Variants in ZNF124 observed in about 807,000 individuals in gnomAD.
ZNF124 encodes the protein zinc finger protein HZF-16.
Under a neutral mutation model 26.6 loss-of-function variants are expected in ZNF124, and 25 were observed. That is an observed-to-expected ratio of 0.94 (90% CI 0.68 to 1.31). ZNF124 has a LOEUF of 1.31. Among genes scored for constraint, ZNF124 ranks in the 40% most tolerant of loss-of-function variants. The pLI is 0.00. For missense variants in ZNF124, 444 were observed against 422.2 expected (o/e 1.05, Z -0.45); for synonymous variants, 129 against 133.3 (o/e 0.97, Z 0.22).
chr1:247,171,075 G>C (rs1373409502), intron 1 of ZNF124, among the ~76,000 whole-genome samples: 4 of 20,474 alleles, frequency 2.0e-4, no homozygotes, highest in Admixed American at 4.2e-4. Flanking sequence ...TGAAGGGAAA[G>C]AAAACTTAAC....
intron 3 of ZNF124, among the ~76,000 whole-genome samples, chr1:247,157,682 T>C (rs1673230354): frequency 6.6e-6 from 1 of 152,224 alleles, no homozygotes; most frequent in Admixed American, 6.5e-5. Flanking sequence ...CATAAACAAA[T>C]TGAACATAAA....
At chr1:247,167,620 A>G (rs1458731085) in intron 1 of ZNF124, among the ~76,000 whole-genome samples, 1 of 152,228 alleles carries the variant, frequency 6.6e-6, no homozygotes, top group Non-Finnish European at 1.5e-5. Context: ...GAATGAAAAT[A>G]AAATATATCA....
At chr1:247,159,990 T>C (rs1673391390) in intron 1 of ZNF124, 177 bp from the exon 2 acceptor site, 2 of 695,058 alleles carry the variant, frequency 2.9e-6, no homozygotes, top group African/African-American at 2.0e-5. Context: ...TTTTTTTTTT[T>C]TTTTTTTTTT....
intron 1 of ZNF124, among the ~76,000 whole-genome samples, chr1:247,166,752 C>T (rs1347246346): frequency 6.6e-6 from 1 of 152,164 alleles, no homozygotes; most frequent in Non-Finnish European, 1.5e-5. Flanking sequence ...AGTTATATGA[C>T]ATTGATGTAG....
chr1:247,167,346 A>G (rs1159163424), intron 1 of ZNF124, among the ~76,000 whole-genome samples: 1 of 125,030 alleles, frequency 8.0e-6, no homozygotes, highest in Non-Finnish European at 1.8e-5. Flanking sequence ...CAGGCAACAG[A>G]AAACAGCACA....
intron 3 of ZNF124, among the ~76,000 whole-genome samples, chr1:247,125,166 C>T (rs529863922): frequency 4.6e-5 from 7 of 152,166 alleles, no homozygotes; most frequent in African/African-American, 9.7e-5. Context: ...TATCCTCTGA[C>T]GGACACTGGA....
chr1:247,131,428 G>A (rs1035769716), intron 3 of ZNF124, among the ~76,000 whole-genome samples: 1 of 152,206 alleles, frequency 6.6e-6, no homozygotes, highest in Non-Finnish European at 1.5e-5. Flanking sequence ...CAACTCCCAG[G>A]GGGAGGGGCA....
At chr1:247,131,099 A>G in intron 3 of ZNF124, among the ~76,000 whole-genome samples, 1 of 152,158 alleles carries the variant, frequency 6.6e-6, no homozygotes, top group Non-Finnish European at 1.5e-5. Flanking sequence ...CATAATAAGC[A>G]TGTGAATCCT....
intron 3 of ZNF124, among the ~76,000 whole-genome samples, chr1:247,124,502 T>C (rs1337167618): frequency 1.3e-5 from 2 of 152,150 alleles, no homozygotes; most frequent in Non-Finnish European, 2.9e-5. Flanking sequence ...CGCCCGGCTC[T>C]GATTCTGTGG....
intron 1 of ZNF124, among the ~76,000 whole-genome samples, chr1:247,163,489 C>T (rs1453168165): frequency 6.6e-6 from 1 of 151,348 alleles, no homozygotes; most frequent in Admixed American, 6.6e-5. Flanking sequence ...AAAAAAATCC[C>T]TCAGAGGCTA....
chr1:247,170,594 C>T (rs1210301065), intron 1 of ZNF124, among the ~76,000 whole-genome samples: 1 of 144,476 alleles, frequency 6.9e-6, no homozygotes, highest in Admixed American at 6.7e-5. Flanking sequence ...GGAAGGGCTT[C>T]ATTCTGCCGG....
chr1:247,159,875 C>A, intron 1 of ZNF124, 62 bp from the exon 2 acceptor site: 5 of 1,490,678 alleles, frequency 3.4e-6, no homozygotes, highest in East Asian at 2.6e-5. Flanking sequence ...AATCTGTAGT[C>A]AATTTATAAG....
intron 3 of ZNF124, among the ~76,000 whole-genome samples, chr1:247,158,689 G>C (rs563407444): frequency 1.5e-4 from 23 of 151,976 alleles, no homozygotes; most frequent in African/African-American, 5.3e-4. Context: ...GAGTGCAATG[G>C]CACAACCTCA....
chr1:247,167,420 T>C (rs1375120973), intron 1 of ZNF124, among the ~76,000 whole-genome samples: 2 of 152,242 alleles, frequency 1.3e-5, no homozygotes, highest in East Asian at 3.8e-4. Context: ...GGTTAATTTT[T>C]GTAATTCACC....
chr1:247,169,758 C>T (rs1673991383), intron 1 of ZNF124, among the ~76,000 whole-genome samples: 1 of 141,300 alleles, frequency 7.1e-6, no homozygotes, highest in Admixed American at 7.3e-5. Context: ...TACCAGTATC[C>T]GACTGCCTGA....
chr1:247,163,303 G>A (rs951427214), intron 1 of ZNF124, among the ~76,000 whole-genome samples: 1 of 146,406 alleles, frequency 6.8e-6, no homozygotes, highest in South Asian at 2.1e-4. Flanking sequence ...CAAAATCAGA[G>A]ATAAATTGAA....
In ZNF124 at chr1:247,159,853, G is replaced by A. The variant is rs1041915557; in HGVS notation, c.31-40C>T. ...ATTTTTGTAGAGGATGGATGAGACT[G>A]AAAGCACTGGAAATCTGTAGTCAAT... On this transcript the variant is annotated intron_variant, in intron 1 of 3. Transcript: ENST00000543802. 2.5e-6 allele frequency: 4 copies of A among 1,573,760 alleles called. No homozygotes were observed. The African/African-American group carries it at 5.5e-5, about 22-fold the overall frequency.
rs115189332 is a variant in ZNF124 at position 247,155,152 on chromosome 1, A to G, written c.*1414T>C. On this transcript the variant is annotated 3_prime_UTR_variant, in exon 4 of 4. Transcript: ENST00000543802. ...ATGCAAATAGCCAAAAATAATGACA[A>G]TGTAAAGAACAACAGATGAAAATAA... Among the ~76,000 whole-genome samples the G allele has an allele frequency of 2.0e-5, 3 of 152,316 alleles. No individual in the cohort carries two copies. Among genetic ancestry groups the G allele is most frequent in the Non-Finnish European group, 2.9e-5 (2 of 68,022 alleles).
In ZNF124 at chr1:247,168,853, G is replaced by A. The variant is rs545874363; in HGVS notation, c.30+2995C>T. Among the ~76,000 whole-genome samples, 9 of 152,162 alleles carry A rather than the reference G, an allele frequency of 5.9e-5. No individual in the cohort carries two copies. Among genetic ancestry groups the A allele is most frequent in the African/African-American group, 2.2e-4 (9 of 41,512 alleles). The stretch of plus-strand genomic sequence containing the variant: ...GATATAATGGACCTTGGTGATTTGG[G>A]GGCAAGGGTGGGAGGGGGTGAGACT... On this transcript the variant is annotated intron_variant, in intron 1 of 3. Coordinates refer to ENST00000543802, the MANE Select transcript of ZNF124 (RefSeq NM_001297568.2). This position sits in a 1 kb window ranked among gnomAD's most constrained non-coding sequence, Gnocchi z 4.0.
Sources: allele counts gnomAD v4.1 joint callset (sites outside exome capture counted in the v4.1 genomes callset), GRCh38; gene constraint gnomAD v4.1.1; non-coding constraint Gnocchi (gnomAD v3.1); transcripts MANE v1.5; gene names NCBI Gene and HGNC (gene_info 2026-07-23, HGNC 2026-07-21).